Variants in PACRG observed in about 807,000 individuals in gnomAD.
The protein encoded by PACRG is parkin coregulated, also known as parkin coregulated gene protein.
Under a neutral mutation model 29.7 loss-of-function variants are expected in PACRG, and 29 were observed. The observed-to-expected ratio is 0.98, with a 90% CI of 0.73 to 1.33. The LOEUF (loss-of-function observed/expected upper bound fraction) is 1.33. Ranked by LOEUF, PACRG falls within the 40% of genes most tolerant of loss-of-function variation. The pLI is 0.00. For missense variants in PACRG, 279 were observed against 316.2 expected (o/e 0.88, Z 0.89); for synonymous variants, 116 against 118.7 (o/e 0.98, Z 0.15).
intron 4 of PACRG, among the ~76,000 whole-genome samples, chr6:163,308,701 C>T (rs916681187): frequency 1.3e-5 from 2 of 151,230 alleles, no homozygotes; most frequent in Non-Finnish European, 2.9e-5. Flanking sequence ...TCAGAATCAT[C>T]CAACAGAGAA....
chr6:163,260,958 C>G (rs1783301881), intron 4 of PACRG, among the ~76,000 whole-genome samples: 1 of 110,888 alleles, frequency 9.0e-6, no homozygotes, highest in South Asian at 2.8e-4. Context: ...TGGAAAATCA[C>G]CTATCTAAAT....
chr6:163,269,436 A>G (rs4579329), intron 4 of PACRG, among the ~76,000 whole-genome samples: 54,768 of 152,012 alleles, frequency 0.36, 10,089 homozygotes, highest in Non-Finnish European at 0.39. Flanking sequence ...TAGCCCCTAC[A>G]TCATGCCACC....
chr6:163,005,345 G>A (rs2128204549), intron 2 of PACRG, among the ~76,000 whole-genome samples: 1 of 151,782 alleles, frequency 6.6e-6, no homozygotes, highest in South Asian at 2.1e-4. Context: ...TGATTACTTT[G>A]GTTTGCATTT....
chr6:162,820,008 TGAG>T (rs1312342107), intron 2 of PACRG, among the ~76,000 whole-genome samples: 1 of 152,120 alleles, frequency 6.6e-6, no homozygotes, highest in Non-Finnish European at 1.5e-5. Context: ...GCAACGGTCT[TGAG>T]GGGGTTGAAC....
At chr6:162,875,972 G>C (rs1562688612) in intron 2 of PACRG, among the ~76,000 whole-genome samples, 1 of 152,124 alleles carries the variant, frequency 6.6e-6, no homozygotes, top group African/African-American at 2.4e-5. Context: ...ACAGAGATGA[G>C]AAGGAAAATG....
intron 2 of PACRG, among the ~76,000 whole-genome samples, chr6:162,872,445 A>G (rs970805601): frequency 9.2e-5 from 14 of 152,254 alleles, no homozygotes; most frequent in Admixed American, 9.2e-4. Flanking sequence ...GAATTGAGAA[A>G]CAAGAAAGAA....
At chr6:163,236,319 A>T (rs977704061) in intron 4 of PACRG, among the ~76,000 whole-genome samples, 11 of 152,010 alleles carry the variant, frequency 7.2e-5, no homozygotes, top group Admixed American at 2.0e-4. Context: ...TCTTCTGAAT[A>T]CTCTTTCATT....
Position 162,853,332 on chromosome 6 carries a change from C to A in PACRG, c.291+39051C>A, listed in dbSNP as rs1791085855. ...CTCCTTGGAGATCAGGCAGAAAATT[C>A]TGTCTTTTGCTTTTCTTTGCAATAC... is the stretch of plus-strand genomic sequence containing the variant. On this transcript the variant is annotated intron_variant, in intron 2 of 4. Transcript: ENST00000366888. The surrounding 1 kb of genome is among the most constrained non-coding windows in gnomAD (Gnocchi z 4.7). Among the ~76,000 whole-genome samples the A allele has an allele frequency of 6.6e-6, 1 of 152,170 alleles. No homozygotes were observed. The highest frequency in any genetic ancestry group is 6.5e-5 in the Admixed American group (1 of 15,272).
At chr6:162,878,596 T>TC (rs1348809856) in intron 2 of PACRG, among the ~76,000 whole-genome samples, 1 of 152,128 alleles carries the variant, frequency 6.6e-6, no homozygotes, top group Non-Finnish European at 1.5e-5. Flanking sequence ...TGATGCTCAT[T>TC]CCCCCAACAA....
chr6:163,248,371 G>T (rs941022703), intron 4 of PACRG, among the ~76,000 whole-genome samples: 5 of 150,010 alleles, frequency 3.3e-5, no homozygotes, highest in Non-Finnish European at 7.4e-5. Context: ...GGATTGCTCA[G>T]CACCCTTTCA....
chr6:162,956,889 A>T (rs1295846153), intron 2 of PACRG, among the ~76,000 whole-genome samples: 3 of 152,100 alleles, frequency 2.0e-5, no homozygotes, highest in Non-Finnish European at 4.4e-5. Flanking sequence ...ACACAGTGTA[A>T]CCTATTATCA....
chr6:162,966,212 T>A lies in PACRG; in HGVS notation c.292-95938T>A, dbSNP rs143267600. Among the ~76,000 whole-genome samples, 5 of 152,334 alleles carry A rather than the reference T, an allele frequency of 3.3e-5. No homozygotes were observed. The East Asian group carries it at 9.6e-4, about 29-fold the overall frequency. ...GTAACTAATCTTATTTCCTAAGACA[T>A]CTTTATCAGAGAAGCCTCATGTGAC... On this transcript the variant is annotated intron_variant, in intron 2 of 4. Transcript: ENST00000366888.
intron 4 of PACRG, among the ~76,000 whole-genome samples, chr6:163,091,424 T>C (rs935158481): frequency 5.9e-5 from 9 of 152,226 alleles, no homozygotes; most frequent in African/African-American, 2.2e-4. Flanking sequence ...ATGTGGGACA[T>C]TTAAAGTTCA....
intron 2 of PACRG, among the ~76,000 whole-genome samples, chr6:163,030,136 A>C (rs1296989043): frequency 6.6e-6 from 1 of 152,148 alleles, no homozygotes; most frequent in Non-Finnish European, 1.5e-5. Flanking sequence ...TGAAGGAGAT[A>C]AAGTCTTGTT....
At chr6:162,893,646 C>G (rs751143688) in intron 2 of PACRG, among the ~76,000 whole-genome samples, 1 of 152,158 alleles carries the variant, frequency 6.6e-6, no homozygotes, top group Non-Finnish European at 1.5e-5. Flanking sequence ...TTTCCTTTCC[C>G]CTTACACCTT....
chr6:162,872,938 A>G (rs1406169859), intron 2 of PACRG, among the ~76,000 whole-genome samples: 2 of 152,162 alleles, frequency 1.3e-5, no homozygotes, highest in Non-Finnish European at 2.9e-5. Flanking sequence ...GACTGATATC[A>G]CTAGGTATCA....
At chr6:162,954,191 G>C (rs1002343835) in intron 2 of PACRG, among the ~76,000 whole-genome samples, 2 of 152,166 alleles carry the variant, frequency 1.3e-5, no homozygotes, top group Admixed American at 1.3e-4. Flanking sequence ...GTTTCAGTTT[G>C]TATGTGTTGC....
intron 1 of PACRG, among the ~76,000 whole-genome samples, chr6:162,786,563 A>G (rs1462385609): frequency 6.6e-6 from 1 of 152,220 alleles, no homozygotes; most frequent in East Asian, 1.9e-4. Context: ...CCTAGGACCT[A>G]GAGAAGGGTA....
chr6:163,111,330 G>A (rs955303132), intron 4 of PACRG, among the ~76,000 whole-genome samples: 4 of 152,152 alleles, frequency 2.6e-5, no homozygotes, highest in African/African-American at 9.7e-5. Flanking sequence ...CATACCAGAG[G>A]GTGGGGAACA....
Sources: gnomAD v4.1 joint callset for allele counts (sites outside exome capture counted in the v4.1 genomes callset) on GRCh38, gnomAD v4.1.1 for gene constraint, Gnocchi (gnomAD v3.1) non-coding constraint, MANE v1.5 for transcripts, NCBI Gene and HGNC (gene_info 2026-07-23, HGNC 2026-07-21) for gene names.